Variants in CUX2 observed in about 807,000 individuals in gnomAD.
CUX2 encodes homeobox protein cut-like 2.
CUX2 carries 40 observed loss-of-function variants against 144.8 expected under a neutral mutation model. The observed-to-expected ratio is 0.28, with a 90% CI of 0.21 to 0.36. The LOEUF is 0.36. Ranked by LOEUF, CUX2 falls within the 10% of genes least tolerant of loss-of-function variation. The pLI, the probability that CUX2 is intolerant of heterozygous loss-of-function variation, is 1.00. For missense variants in CUX2, 1,615 were observed against 1,994.0 expected (o/e 0.81, Z 3.62); for synonymous variants, 827 against 875.6 (o/e 0.94, Z 0.98).
At chr12:111,194,855 C>T (rs1399744475) in intron 1 of CUX2, among the ~76,000 whole-genome samples, 5 of 152,178 alleles carry the variant, frequency 3.3e-5, no homozygotes, top group African/African-American at 9.7e-5. Flanking sequence ...CTTGCCTGAG[C>T]GAGGCAGCAA....
intron 1 of CUX2, among the ~76,000 whole-genome samples, chr12:111,042,470 C>T (rs1411017078): frequency 1.3e-5 from 2 of 152,184 alleles, no homozygotes; most frequent in Non-Finnish European, 2.9e-5. Flanking sequence ...CCAAAGACTA[C>T]CTGGACTCTG....
intron 3 of CUX2, among the ~76,000 whole-genome samples, chr12:111,245,331 T>C (rs1008315644): frequency 6.7e-6 from 1 of 150,150 alleles, no homozygotes; most frequent in East Asian, 2.0e-4. Flanking sequence ...AGCCCAGGAG[T>C]TTGAGACCAC....
At position 111,201,129 on chromosome 12, in the gene CUX2, CTG is replaced by C. The variant is rs1880559698; in HGVS notation, c.64-13070_64-13069del. Among the ~76,000 whole-genome samples the C allele has an allele frequency of 2.0e-5, 3 of 152,170 alleles. No individual in the cohort carries two copies. The East Asian group carries it at 5.8e-4, about 29-fold the overall frequency. On this transcript the variant is annotated intron_variant, in intron 1 of 21. Coordinates refer to ENST00000261726, the MANE Select transcript of CUX2 (RefSeq NM_015267.4). The stretch of plus-strand genomic sequence containing the variant: ...CCTCTCAATCTCACCTTCAGCCTCC[CTG>C]GCCGGGGCTTCTAGTTGCTGGGAGG...
Position 111,197,695 on chromosome 12 carries a change from G to C in CUX2, c.64-16505G>C, listed in dbSNP as rs927634321. On this transcript the variant is annotated intron_variant, in intron 1 of 21. Coordinates refer to ENST00000261726, the MANE Select transcript of CUX2 (RefSeq NM_015267.4). The stretch of plus-strand genomic sequence containing the variant: ...TTAAATGGCTTCATCCAGCTGGAGC[G>C]TGGCTGTGGCTCAGGCCAGTCTAAG... 7.2e-5 allele frequency among the ~76,000 whole-genome samples: 11 copies of C among 152,190 alleles called. No individual in the cohort carries two copies. In the East Asian group the frequency reaches 1.5e-3, roughly 21 times the overall value.
intron 19 of CUX2, among the ~76,000 whole-genome samples, chr12:111,337,905 C>G (rs1055164626): frequency 6.6e-6 from 1 of 151,912 alleles, no homozygotes; most frequent in Non-Finnish European, 1.5e-5. Flanking sequence ...TGTGGTAGTA[C>G]GTGCCTGTAA....
In CUX2 at chr12:111,063,376, G is replaced by A. The variant is rs765718284; in HGVS notation, c.63+29136G>A. ...CCTGCAGTCCAACATTGCTCCAGGC[G>A]TGCAGCCTGAGGGAATGAGTATTTT... On this transcript the variant is annotated intron_variant, in intron 1 of 21. Transcript: ENST00000261726. 4.6e-5 allele frequency among the ~76,000 whole-genome samples: 7 copies of A among 151,886 alleles called. No homozygotes were observed. In the South Asian group the frequency reaches 1.0e-3, roughly 23 times the overall value.
At position 111,151,880 on chromosome 12, in the gene CUX2, T is replaced by A. The variant is rs115611891; in HGVS notation, c.64-62320T>A. ...TGCTGTTTGTTTAGTCATTCGAGTA[T>A]TTACTGAGGACCTACTGTGAACCAA... is the stretch of plus-strand genomic sequence containing the variant. On this transcript the variant is annotated intron_variant, in intron 1 of 21. Transcript: ENST00000261726. Among the ~76,000 whole-genome samples, 644 of 152,256 alleles carry A rather than the reference T, an allele frequency of 4.2e-3. 3 individuals carry two copies. The highest frequency in any genetic ancestry group is 0.015 in the African/African-American group (625 of 41,534).
intron 16 of CUX2, among the ~76,000 whole-genome samples, 189 bp from the exon 17 acceptor site, chr12:111,319,823 C>A (rs1490227397): frequency 6.6e-6 from 1 of 152,214 alleles, no homozygotes; most frequent in Non-Finnish European, 1.5e-5. Context: ...CACTGTCAAC[C>A]GAATTTTGGG....
rs546345375 is a variant in CUX2, at chr12:111,179,770, G to A, written c.64-34430G>A. ...CAGCTCACTGCAACCTCCACCTCTC[G>A]GGTTCAAGTGGTTCTCCTGCCTCAG... On this transcript the variant is annotated intron_variant, in intron 1 of 21. Coordinates refer to ENST00000261726, the MANE Select transcript of CUX2 (RefSeq NM_015267.4). 2.6e-5 allele frequency among the ~76,000 whole-genome samples: 4 copies of A among 151,752 alleles called. No individual in the cohort carries two copies. The South Asian group carries it at 6.2e-4, about 24-fold the overall frequency.
intron 9 of CUX2, among the ~76,000 whole-genome samples, chr12:111,301,088 C>T (rs1422739772): frequency 3.3e-5 from 5 of 150,542 alleles, no homozygotes; most frequent in East Asian, 1.9e-4. Flanking sequence ...ATAGGAAGCA[C>T]GTCTAATAAT....
chr12:111,143,063 CTT>C (rs1276697560), intron 1 of CUX2, among the ~76,000 whole-genome samples: 1 of 152,212 alleles, frequency 6.6e-6, no homozygotes, highest in Non-Finnish European at 1.5e-5. Flanking sequence ...TGCCCACTGT[CTT>C]TGCACTTTGT....
At chr12:111,104,897 GCTT>G (rs1217974844) in intron 1 of CUX2, among the ~76,000 whole-genome samples, 1 of 152,148 alleles carries the variant, frequency 6.6e-6, no homozygotes, top group Non-Finnish European at 1.5e-5. Context: ...GAATGTGGAT[GCTT>G]CTTTTGAAGA....
chr12:111,111,606 A>G (rs778345221), intron 1 of CUX2, among the ~76,000 whole-genome samples: 2 of 152,194 alleles, frequency 1.3e-5, no homozygotes, highest in Non-Finnish European at 2.9e-5. Context: ...TTCAGCATGC[A>G]TAAGAATCTC....
intron 4 of CUX2, among the ~76,000 whole-genome samples, chr12:111,276,751 G>A (rs1257393906): frequency 2.0e-5 from 3 of 152,060 alleles, no homozygotes; most frequent in Non-Finnish European, 2.9e-5. Context: ...GGGTTCAGGC[G>A]ATTCTTCTGC....
chr12:111,117,270 A>G (rs1874363060), intron 1 of CUX2, among the ~76,000 whole-genome samples: 1 of 152,122 alleles, frequency 6.6e-6, no homozygotes, highest in Admixed American at 6.5e-5. Flanking sequence ...TACTCGCATG[A>G]CCCATTCATT....
chr12:111,296,240 C>G (rs568635895), intron 7 of CUX2, among the ~76,000 whole-genome samples: 30 of 152,194 alleles, frequency 2.0e-4, no homozygotes, highest in African/African-American at 6.7e-4. Flanking sequence ...ACCTCATCTG[C>G]CCCGCACTGC....
chr12:111,342,725 G>C (rs1355417191), intron 21 of CUX2, among the ~76,000 whole-genome samples: 1 of 152,042 alleles, frequency 6.6e-6, no homozygotes, highest in South Asian at 2.1e-4. Context: ...TTGGGAGGCC[G>C]AGGTGGGCAG....
At chr12:111,185,632 AGAGGTCTGGCCCT>A in intron 1 of CUX2, among the ~76,000 whole-genome samples, 1 of 152,334 alleles carries the variant, frequency 6.6e-6, no homozygotes, top group East Asian at 1.9e-4. Flanking sequence ...TGCTGAGGAC[AGAGGTCTGGCCCT>A]GAGCCCCGAG....
chr12:111,166,847 G>A (rs574752756), intron 1 of CUX2, among the ~76,000 whole-genome samples: 4 of 152,270 alleles, frequency 2.6e-5, no homozygotes, highest in East Asian at 1.9e-4. Flanking sequence ...TCTGGGACGC[G>A]TGCCGGCCGC....
Sources: gnomAD v4.1 joint callset for allele counts (sites outside exome capture counted in the v4.1 genomes callset) on GRCh38, gnomAD v4.1.1 for gene constraint, MANE v1.5 for transcripts, NCBI Gene and HGNC (gene_info 2026-07-23, HGNC 2026-07-21) for gene names.